The following CYP19A1 variants were observed in gnomAD, a reference collection of about 807,000 sequenced individuals.
CYP19A1 encodes the protein aromatase.
CYP19A1 carries 32 observed loss-of-function variants against 44.4 expected under a neutral mutation model. That is an observed-to-expected ratio of 0.72 (90% CI 0.54 to 0.97). The LOEUF is 0.97. Ranked by LOEUF, CYP19A1 falls within the 50% of genes least tolerant of loss-of-function variation. CYP19A1 has a pLI of 0.00. For missense variants in CYP19A1, 598 were observed against 637.8 expected (o/e 0.94, Z 0.67); for synonymous variants, 212 against 215.6 (o/e 0.98, Z 0.14).
intron 1 of CYP19A1, among the ~76,000 whole-genome samples, chr15:51,326,163 T>C (rs914553321): frequency 6.6e-6 from 1 of 152,102 alleles, no homozygotes. Flanking sequence ...AATTCCTGAG[T>C]CCTCCCCAAA....
intron 5 of CYP19A1, chr15:51,221,379 T>C (rs563380394): frequency 6.6e-6 from 1 of 152,212 alleles, no homozygotes; most frequent in East Asian, 1.9e-4. Flanking sequence ...ACAAAAAGGG[T>C]GTATCAGAAA....
At chr15:51,314,302 G>A (rs922499155) in intron 1 of CYP19A1, among the ~76,000 whole-genome samples, 1 of 152,074 alleles carries the variant, frequency 6.6e-6, no homozygotes, top group Non-Finnish European at 1.5e-5. Flanking sequence ...ACAGCAGGAG[G>A]CCTATGAGAA....
intron 1 of CYP19A1, among the ~76,000 whole-genome samples, chr15:51,248,692 A>G (rs1443658248): frequency 6.6e-6 from 1 of 152,162 alleles, no homozygotes; most frequent in African/African-American, 2.4e-5. Context: ...CTTCTAGAAC[A>G]GTGTCCAGGC....
In CYP19A1 at chr15:51,227,890, A is replaced by T; in HGVS notation, c.340T>A (p.Ser114Thr). 1 of 1,586,352 alleles carries T rather than the reference A, an allele frequency of 6.3e-7. No individual in the cohort carries two copies. Among genetic ancestry groups the T allele is most frequent in the Non-Finnish European group, 8.7e-7 (1 of 1,154,730 alleles). ...FHIMKHNHYS[S>T]RFGSKLGLQC... ...AGCCCAAGTTTGCTGCCGAATCGAG[A>T]GCTGTAATGATTGTGCTTCATTATG... The change falls in exon 4 of 10, where the codon TCT becomes ACT. Residue 114 changes from serine to threonine, a missense_variant. Ser to Thr is a moderately conservative substitution (Grantham distance 58, BLOSUM62 1). Transcript: ENST00000396402.
intron 1 of CYP19A1, among the ~76,000 whole-genome samples, chr15:51,329,138 G>A (rs542177091): frequency 3.9e-5 from 6 of 152,224 alleles, no homozygotes; most frequent in South Asian, 2.1e-4. Context: ...GAAAAACCCC[G>A]ACTAATACAC....
chr15:51,242,861 G>A lies in CYP19A1; in HGVS notation c.52C>T (p.Pro18Ser). 1 of 1,603,972 alleles carries A rather than the reference G, an allele frequency of 6.2e-7. No homozygotes were observed. The highest frequency in any genetic ancestry group is 8.5e-7 in the Non-Finnish European group (1 of 1,170,796). ...ATGGTGGCAGCAGGCATGGCTTCAG[G>A]CACGATGCTGGTGATGTTATAATGT... ...PIHYNITSIV[P>S]EAMPAATMPV... Residue 18 changes from proline (P) to serine (S), a missense_variant, in exon 2 of 10, where the codon CCT becomes TCT. Coordinates refer to ENST00000396402, the MANE Select transcript of CYP19A1 (RefSeq NM_000103.4).
intron 2 of CYP19A1, among the ~76,000 whole-genome samples, chr15:51,237,339 C>A (rs1432325593): frequency 6.6e-6 from 1 of 152,148 alleles, no homozygotes; most frequent in Non-Finnish European, 1.5e-5. Flanking sequence ...GTTTCTAATA[C>A]AAGTCAATTG....
chr15:51,303,412 A>G (rs1348309119), intron 1 of CYP19A1, among the ~76,000 whole-genome samples: 1 of 152,198 alleles, frequency 6.6e-6, no homozygotes, highest in Non-Finnish European at 1.5e-5. Flanking sequence ...GTCCTGGAAC[A>G]TGCTAGTCCT....
At chr15:51,277,527 G>A (rs1369550946) in intron 1 of CYP19A1, 1 of 152,084 alleles carries the variant, frequency 6.6e-6, no homozygotes, top group Non-Finnish European at 1.5e-5. Flanking sequence ...ACTTTCTACT[G>A]GAATTGACAT....
intron 1 of CYP19A1, among the ~76,000 whole-genome samples, chr15:51,270,474 A>AAT (rs1299901890): frequency 6.6e-6 from 1 of 152,182 alleles, no homozygotes; most frequent in Admixed American, 6.5e-5. Flanking sequence ...TCACCCTAAA[A>AAT]ACAGCTTCTA....
chr15:51,309,714 A>C (rs1198858331), intron 1 of CYP19A1, among the ~76,000 whole-genome samples: 1 of 152,226 alleles, frequency 6.6e-6, no homozygotes, highest in Non-Finnish European at 1.5e-5. Context: ...ACAATGATAG[A>C]AGTTTCTAGA....
At position 51,272,910 on chromosome 15, in the gene CYP19A1, C is replaced by T. The variant is rs183224150; in HGVS notation, c.-38-29960G>A. On this transcript the variant is annotated intron_variant, in intron 1 of 9. Coordinates refer to ENST00000396402, the MANE Select transcript of CYP19A1 (RefSeq NM_000103.4). ...TTCAGGGATTCCATAAATGCATACT[C>T]GGTTAGGACAACAGGCTTCATAATG... Among the ~76,000 whole-genome samples the T allele has an allele frequency of 3.9e-5, 6 of 152,168 alleles. No individual in the cohort carries two copies. In the East Asian group the frequency reaches 1.2e-3, roughly 29 times the overall value.
intron 6 of CYP19A1, among the ~76,000 whole-genome samples, chr15:51,217,052 C>T (rs900686203): frequency 6.6e-6 from 1 of 152,136 alleles, no homozygotes; most frequent in Non-Finnish European, 1.5e-5. Flanking sequence ...CTTAAATACC[C>T]TACTGATCCA....
At chr15:51,248,993 G>A (rs1175748454) in intron 1 of CYP19A1, among the ~76,000 whole-genome samples, 1 of 150,706 alleles carries the variant, frequency 6.6e-6, no homozygotes, top group Non-Finnish European at 1.5e-5. Flanking sequence ...GTGCTGGAGT[G>A]CAGTGATGCG....
intron 1 of CYP19A1, among the ~76,000 whole-genome samples, chr15:51,329,858 C>G (rs1190028498): frequency 6.6e-6 from 1 of 152,214 alleles, no homozygotes; most frequent in Non-Finnish European, 1.5e-5. Flanking sequence ...AACAGGGAGA[C>G]AGACAGGGAG....
chr15:51,275,255 G>A (rs750195083), intron 1 of CYP19A1, among the ~76,000 whole-genome samples: 137 of 152,302 alleles, frequency 9.0e-4, no homozygotes, highest in Non-Finnish European at 1.2e-3. Flanking sequence ...GCCTAAATGA[G>A]CACCCACCTC....
intron 1 of CYP19A1, among the ~76,000 whole-genome samples, chr15:51,270,666 TGAA>T (rs1483055472): frequency 6.6e-6 from 1 of 152,212 alleles, no homozygotes; most frequent in Non-Finnish European, 1.5e-5. Flanking sequence ...ATTTTAAAGA[TGAA>T]GAAGTAGAGA....
rs2141042267 is a variant in CYP19A1 at position 51,215,221 on chromosome 15, G to A, written c.870C>T (p.Asp290=). The change falls in exon 8 of 10, where the codon GAC becomes GAT. Residue 290 remains aspartate, a synonymous_variant. Transcript: ENST00000396402. ...TELILAEKRG[D]LTRENVNQCI... ...ACTGGTTCACATTCTCTCTTGTCAG[G>A]TCACCACGTTTCTGAACAATTGGAA... 1.2e-6 allele frequency: 2 copies of A among 1,614,036 alleles called. No individual in the cohort carries two copies. The highest frequency in any genetic ancestry group is 3.3e-5 in the Admixed American group (2 of 60,012).
intron 1 of CYP19A1, chr15:51,320,832 C>A (rs2036514692): frequency 6.6e-6 from 1 of 152,168 alleles, no homozygotes; most frequent in Admixed American, 6.5e-5. Flanking sequence ...TTTAATTCAA[C>A]CCAGCATATT....
Sources: gnomAD v4.1 joint callset for allele counts (sites outside exome capture counted in the v4.1 genomes callset) on GRCh38, gnomAD v4.1.1 for gene constraint, MANE v1.5 for transcripts, NCBI Gene and HGNC (gene_info 2026-07-23, HGNC 2026-07-21) for gene names.